KIF13B: variants seen among roughly 807,000 people sequenced by gnomAD.
KIF13B encodes kinesin-like protein KIF13B.
A neutral mutation model predicts 222.0 loss-of-function variants in KIF13B; 127 were observed. The observed-to-expected ratio is 0.57, with a 90% CI of 0.50 to 0.66. The LOEUF (loss-of-function observed/expected upper bound fraction) is 0.66. KIF13B is among the 30% of genes least tolerant of loss of function. The pLI, the probability that KIF13B is intolerant of heterozygous loss-of-function variation, is 0.00. For synonymous variants in KIF13B, 976 were observed against 919.0 expected (o/e 1.06, Z -1.12); for missense variants, 2,173 against 2,379.0 (o/e 0.91, Z 1.80).
chr8:29,072,446 G>T, intron 38 of KIF13B, 130 bp from the exon 39 acceptor site: 1 of 507,388 alleles, frequency 2.0e-6, no homozygotes. Context: ...AGTGCTTATG[G>T]AGGGCAAGAC....
intron 9 of KIF13B, among the ~76,000 whole-genome samples, chr8:29,176,628 C>T (rs1294336571): frequency 6.6e-6 from 1 of 152,178 alleles, no homozygotes; most frequent in African/African-American, 2.4e-5. Flanking sequence ...ACTTCCTACC[C>T]ATAATGAGCT....
chr8:29,234,294 G>A (rs1586963402), intron 2 of KIF13B, among the ~76,000 whole-genome samples: 1 of 152,028 alleles, frequency 6.6e-6, no homozygotes, highest in East Asian at 1.9e-4. Context: ...GAATGGATGG[G>A]CAAAATGTGG....
intron 4 of KIF13B, 51 bp downstream of exon 4, chr8:29,190,946 G>A (rs750862086): frequency 1.4e-6 from 2 of 1,429,608 alleles, no homozygotes; most frequent in East Asian, 2.3e-5. Context: ...AAAAAATACT[G>A]AACCCCTCTT....
chr8:29,137,751 T>C (rs1003398949), intron 21 of KIF13B, among the ~76,000 whole-genome samples: 3 of 152,142 alleles, frequency 2.0e-5, no homozygotes, highest in Non-Finnish European at 2.9e-5. Flanking sequence ...TCAGGTTCCT[T>C]GGAGAAATGG....
chr8:29,089,526 G>A (rs1399730994), intron 37 of KIF13B, among the ~76,000 whole-genome samples: 1 of 152,132 alleles, frequency 6.6e-6, no homozygotes, highest in Admixed American at 6.6e-5. Flanking sequence ...GGCACAACAA[G>A]CCTTGCCCTC....
chr8:29,153,901 A>T (rs1404455937), intron 14 of KIF13B, among the ~76,000 whole-genome samples: 2 of 152,176 alleles, frequency 1.3e-5, no homozygotes, highest in African/African-American at 4.8e-5. Flanking sequence ...AAACTCTGTA[A>T]AGCTATGGAG....
At chr8:29,073,356 T>G (rs1037611266) in intron 38 of KIF13B, among the ~76,000 whole-genome samples, 14 of 152,118 alleles carry the variant, frequency 9.2e-5, no homozygotes, top group African/African-American at 3.4e-4. Context: ...TCACTCTGTC[T>G]GAGTCACCCA....
At chr8:29,192,152 C>T (rs1813219005) in intron 3 of KIF13B, among the ~76,000 whole-genome samples, 1 of 152,174 alleles carries the variant, frequency 6.6e-6, no homozygotes, top group Admixed American at 6.5e-5. Flanking sequence ...GTCTCCATCC[C>T]TTCCTATTAA....
At chr8:29,077,510 T>C (rs1289890455) in intron 37 of KIF13B, among the ~76,000 whole-genome samples, 1 of 152,258 alleles carries the variant, frequency 6.6e-6, no homozygotes, top group Non-Finnish European at 1.5e-5. Flanking sequence ...CACTACATCT[T>C]ACCTAAAGTG....
chr8:29,260,409 T>C (rs1410024656), intron 1 of KIF13B, among the ~76,000 whole-genome samples: 2 of 152,232 alleles, frequency 1.3e-5, no homozygotes, highest in Non-Finnish European at 2.9e-5. Flanking sequence ...TCCTCTTTTA[T>C]AGATAGCGAT....
rs114263929 is a variant in KIF13B, at chr8:29,253,167, T to C, written c.56-7728A>G. 4.9e-3 allele frequency among the ~76,000 whole-genome samples: 747 copies of C among 152,040 alleles called. 5 individuals carry two copies. Among genetic ancestry groups the C allele is most frequent in the African/African-American group, 0.017 (699 of 41,472 alleles). ...TAGCCTGAGCAACACAGCAAGAACCTGTCCCTAAAACAAATTTAAAAAAAA... is the reference window on the plus strand; with the variant it reads ...TAGCCTGAGCAACACAGCAAGAACCCGTCCCTAAAACAAATTTAAAAAAAA... On this transcript the variant is annotated intron_variant, in intron 1 of 39. Transcript: ENST00000524189.
At chr8:29,105,624 T>C (rs1482874325) in intron 35 of KIF13B, among the ~76,000 whole-genome samples, 1 of 147,676 alleles carries the variant, frequency 6.8e-6, no homozygotes, top group Non-Finnish European at 1.5e-5. Flanking sequence ...CCATTTAAAA[T>C]AAGGAAACTG....
intron 5 of KIF13B, 144 bp from the exon 6 acceptor site, chr8:29,186,616 A>G: frequency 1.6e-6 from 1 of 624,456 alleles, no homozygotes; most frequent in Non-Finnish European, 2.7e-6. Context: ...TAATAAGTAC[A>G]GAAGCTTTTT....
At chr8:29,201,879 T>G (rs975547465) in intron 2 of KIF13B, among the ~76,000 whole-genome samples, 2 of 152,318 alleles carry the variant, frequency 1.3e-5, no homozygotes, top group Non-Finnish European at 1.5e-5. Context: ...CACTGTACTT[T>G]CCATACATGG....
intron 2 of KIF13B, among the ~76,000 whole-genome samples, chr8:29,220,158 C>T (rs1814676891): frequency 6.6e-6 from 1 of 152,200 alleles, no homozygotes; most frequent in Admixed American, 6.5e-5. Context: ...GTACACAACT[C>T]ACTCCTTTAA....
intron 1 of KIF13B, among the ~76,000 whole-genome samples, chr8:29,246,176 T>C (rs1308984962): frequency 6.6e-6 from 1 of 152,062 alleles, no homozygotes; most frequent in Non-Finnish European, 1.5e-5. Flanking sequence ...GGTCAGGAGT[T>C]CGAGACCAGC....
chr8:29,105,848 G>A (rs552056433), intron 35 of KIF13B, among the ~76,000 whole-genome samples: 59 of 151,492 alleles, frequency 3.9e-4, no homozygotes, highest in Middle Eastern at 6.8e-3. Context: ...TAGTAGAGAC[G>A]GGGTTTCACC....
chr8:29,074,491 G>A (rs1428651814), intron 38 of KIF13B, among the ~76,000 whole-genome samples: 1 of 152,234 alleles, frequency 6.6e-6, no homozygotes, highest in Admixed American at 6.5e-5. Flanking sequence ...GGAGACTTCT[G>A]CAAAAGCCCA....
intron 13 of KIF13B, 100 bp from the exon 14 acceptor site, chr8:29,155,956 C>T (rs1055018025): frequency 1.8e-5 from 17 of 942,126 alleles, no homozygotes; most frequent in Middle Eastern, 3.5e-4. Flanking sequence ...ATTACCTTTG[C>T]GAAAATTTTT....
Sources: gnomAD v4.1 joint callset for allele counts (sites outside exome capture counted in the v4.1 genomes callset) on GRCh38, gnomAD v4.1.1 for gene constraint, MANE v1.5 for transcripts, NCBI Gene and HGNC (gene_info 2026-07-23, HGNC 2026-07-21) for gene names.